Variants in NUP155 observed in about 807,000 individuals in gnomAD.
NUP155 encodes the protein nucleoporin 155, also known as nuclear pore complex protein Nup155.
Under a neutral mutation model 180.4 loss-of-function variants are expected in NUP155, and 71 were observed. The observed-to-expected ratio is 0.39, with a 90% CI of 0.33 to 0.48. The LOEUF (loss-of-function observed/expected upper bound fraction) is 0.48, where lower values mean the gene tolerates loss of function less well. Ranked by LOEUF, NUP155 falls within the 20% of genes least tolerant of loss-of-function variation. The pLI is 0.91. For missense variants in NUP155, 1,553 were observed against 1,648.9 expected, an observed-to-expected ratio of 0.94 and a Z score of 1.01; for synonymous variants, 582 against 559.5, an observed-to-expected ratio of 1.04 and a Z score of -0.57.
rs774178827 is a variant in NUP155 at position 37,294,341 on chromosome 5, C to A, written c.3918G>T (p.Leu1306Phe). 1.3e-6 allele frequency: 2 copies of A among 1,586,534 alleles called. No individual in the cohort carries two copies. The change falls in exon 33 of 35, where the codon TTG becomes TTT. Residue 1306 changes from leucine (L) to phenylalanine (F), a missense_variant. Coordinates refer to ENST00000231498, the MANE Select transcript of NUP155 (RefSeq NM_153485.3). ...LPRLLEVYDQLFKSRDPFWNR... is the reference protein window; with the variant it reads ...LPRLLEVYDQFFKSRDPFWNR... ...ATATTTTCCTTACCCGTGATTTGAA[C>A]AACTGATCATAAACTTCTAGTAGTC...
intron 11 of NUP155, among the ~76,000 whole-genome samples, chr5:37,340,152 A>C (rs567262647): frequency 7.2e-5 from 11 of 152,304 alleles, no homozygotes; most frequent in South Asian, 2.1e-4. Context: ...TCTTTTAAAA[A>C]ATCAGGCCAG....
At chr5:37,349,083 T>G in intron 8 of NUP155, 89 bp downstream of exon 8, 1 of 380,456 alleles carries the variant, frequency 2.6e-6, no homozygotes, top group Non-Finnish European at 4.8e-6. Context: ...GTTACACAGT[T>G]CATAGGAAAA....
intron 20 of NUP155, among the ~76,000 whole-genome samples, chr5:37,320,261 T>C (rs1404234948): frequency 6.6e-6 from 1 of 152,118 alleles, no homozygotes; most frequent in Admixed American, 6.5e-5. Flanking sequence ...GTGGATAACC[T>C]GAGGTTGGGA....
Position 37,299,443 on chromosome 5 carries a change from C to T in NUP155, c.3682+5G>A, listed in dbSNP as rs1554124458. 1 of 1,614,092 alleles carries T rather than the reference C, an allele frequency of 6.2e-7. No individual in the cohort carries two copies. The highest frequency in any genetic ancestry group is 8.5e-7 in the Non-Finnish European group (1 of 1,180,000). On this transcript the variant is annotated splice_donor_5th_base_variant and intron_variant, in intron 31 of 34. Transcript: ENST00000231498. ...ATGCTAACATACCTATAACTGAACA[C>T]TTACCTTTCTCTATGATATCTTGCC...
intron 9 of NUP155, among the ~76,000 whole-genome samples, chr5:37,346,445 G>A (rs771114287): frequency 6.0e-4 from 92 of 152,222 alleles, no homozygotes; most frequent in Admixed American, 1.3e-3. Context: ...GCCAAGGCAG[G>A]CAGATCACCT....
chr5:37,363,664 A>T (rs1401923468), intron 3 of NUP155, among the ~76,000 whole-genome samples: 1 of 152,188 alleles, frequency 6.6e-6, no homozygotes, highest in Non-Finnish European at 1.5e-5. Context: ...AACCAGCAGC[A>T]GCAGTTGGCA....
intron 3 of NUP155, among the ~76,000 whole-genome samples, 157 bp from the exon 4 acceptor site, chr5:37,358,308 C>T (rs1378344559): frequency 6.6e-6 from 1 of 152,014 alleles, no homozygotes; most frequent in Non-Finnish European, 1.5e-5. Context: ...GTGAGACTGT[C>T]TCTACAAAAA....
intron 32 of NUP155, among the ~76,000 whole-genome samples, chr5:37,295,382 G>C (rs1261449555): frequency 2.6e-5 from 4 of 152,106 alleles, no homozygotes; most frequent in Admixed American, 2.6e-4. Context: ...GCAGTGGCGT[G>C]ATCTCGGCTC....
At chr5:37,292,134 C>T in intron 34 of NUP155, 96 bp from the exon 35 acceptor site, 4 of 1,193,730 alleles carry the variant, frequency 3.4e-6, no homozygotes, top group Non-Finnish European at 5.0e-6. Flanking sequence ...TTAATTCTCA[C>T]AGGAGAGGAA....
chr5:37,362,357 C>A (rs905660367), intron 3 of NUP155, among the ~76,000 whole-genome samples: 1 of 151,152 alleles, frequency 6.6e-6, no homozygotes, highest in Non-Finnish European at 1.5e-5. Flanking sequence ...GGCGCGATCT[C>A]GGCTCACCAC....
At chr5:37,304,119 G>A (rs187265993) in intron 27 of NUP155, among the ~76,000 whole-genome samples, 398 of 151,460 alleles carry the variant, frequency 2.6e-3, no homozygotes, top group Middle Eastern at 0.017. Flanking sequence ...GCGTGGTGGC[G>A]GGTGCCTGTA....
chr5:37,364,840 G>A (rs914543801), intron 1 of NUP155, among the ~76,000 whole-genome samples: 1 of 151,690 alleles, frequency 6.6e-6, no homozygotes, highest in Non-Finnish European at 1.5e-5. Context: ...GTTTCACCGT[G>A]TTAGCCAGGC....
intron 12 of NUP155, among the ~76,000 whole-genome samples, chr5:37,334,874 T>C (rs1438346158): frequency 6.6e-6 from 1 of 152,156 alleles, no homozygotes; most frequent in African/African-American, 2.4e-5. Flanking sequence ...AAAAGTATTT[T>C]ACTGGCTCGG....
chr5:37,296,115 G>T (rs914841819), intron 32 of NUP155, among the ~76,000 whole-genome samples: 1 of 150,724 alleles, frequency 6.6e-6, no homozygotes, highest in Non-Finnish European at 1.5e-5. Flanking sequence ...ACCTCTGCCC[G>T]GCCGCCCCTA....
chr5:37,317,950 G>T, intron 21 of NUP155, 38 bp downstream of exon 21: 1 of 1,066,698 alleles, frequency 9.4e-7, no homozygotes, highest in Non-Finnish European at 1.5e-6. Context: ...ATTTTACTGA[G>T]GTCATGTACG....
intron 15 of NUP155, 122 bp downstream of exon 15, chr5:37,329,916 T>G: frequency 1.4e-6 from 1 of 706,278 alleles, no homozygotes; most frequent in South Asian, 1.6e-5. Context: ...GCAAATGAAT[T>G]TTGGTAATTT....
chr5:37,352,826 A>T lies in NUP155; in HGVS notation c.467T>A (p.Ile156Asn). The T allele has an allele frequency of 6.2e-7, 1 of 1,610,772 alleles. No homozygotes were observed. Among genetic ancestry groups the T allele is most frequent in the East Asian group, 2.2e-5 (1 of 44,848 alleles). ...GAGGTGTCGCACATGAGGTTGAAAG[A>T]TGCCTAAGATAAAGTAGACACAGGG... ...AVGLVKPKAG[I>N]FQPHVRHLLV... Residue 156 changes from isoleucine (I) to asparagine (N), a missense_variant, in exon 5 of 35, where the codon ATC becomes AAC. Transcript: ENST00000231498.
chr5:37,349,104 TG>T (rs1746296088), intron 8 of NUP155, 67 bp downstream of exon 8: 1 of 378,112 alleles, frequency 2.6e-6, no homozygotes. Context: ...ATTTAAGAGG[TG>T]GGAATTGTCT....
Position 37,332,898 on chromosome 5 carries a change from C to T in NUP155, c.1518+565G>A, listed in dbSNP as rs367671758. ...CTTGAGCCTGGGAGGCAGAGGTTGCCGTAAGCCAAGACTGTGCACCACACT... is the reference window on the plus strand; with the variant it reads ...CTTGAGCCTGGGAGGCAGAGGTTGCTGTAAGCCAAGACTGTGCACCACACT... On this transcript the variant is annotated intron_variant, in intron 13 of 34. Transcript: ENST00000231498. Among the ~76,000 whole-genome samples the T allele has an allele frequency of 4.7e-5, 7 of 149,422 alleles. No individual in the cohort carries two copies. The East Asian group carries it at 6.0e-4, about 13-fold the overall frequency.
Sources: gnomAD v4.1 joint callset for allele counts (sites outside exome capture counted in the v4.1 genomes callset) on GRCh38, gnomAD v4.1.1 for gene constraint, MANE v1.5 for transcripts, NCBI Gene and HGNC (gene_info 2026-07-23, HGNC 2026-07-21) for gene names.